The following PMEPA1 variants were observed in gnomAD, a reference collection of about 807,000 sequenced individuals.
PMEPA1 encodes the protein prostate transmembrane protein, androgen induced 1.
PMEPA1 carries 11 observed loss-of-function variants against 23.0 expected under a neutral mutation model. The observed-to-expected ratio is 0.48, with a 90% CI of 0.30 to 0.79. The LOEUF is 0.79. Ranked by LOEUF, PMEPA1 falls within the 30% of genes least tolerant of loss-of-function variation. The pLI, the probability that PMEPA1 is intolerant of heterozygous loss-of-function variation, is 0.06. For synonymous variants in PMEPA1, 204 were observed against 166.4 expected, an observed-to-expected ratio of 1.23 and a Z score of -1.74; for missense variants, 377 against 390.9, an observed-to-expected ratio of 0.96 and a Z score of 0.30.
chr20:57,686,146 G>A (rs1208975746), intron 1 of PMEPA1, among the ~76,000 whole-genome samples: 1 of 152,170 alleles, frequency 6.6e-6, no homozygotes, highest in African/African-American at 2.4e-5. Flanking sequence ...GCCGTGCGCT[G>A]ACCTCTCCTT....
rs2072049599 is a variant in PMEPA1 at position 57,704,400 on chromosome 20, C to G, written c.109+5074G>C. Among the ~76,000 whole-genome samples, 1 of 152,206 alleles carries G rather than the reference C, an allele frequency of 6.6e-6. No individual in the cohort carries two copies. The highest frequency in any genetic ancestry group is 6.5e-5 in the Admixed American group (1 of 15,290). ...GGGTGCATGAAGAGTAGGTCCGTCTCCCGCACAGCTCCCGCACGTGCCCCA... is the reference window on the plus strand; with the variant it reads ...GGGTGCATGAAGAGTAGGTCCGTCTGCCGCACAGCTCCCGCACGTGCCCCA... On this transcript the variant is annotated intron_variant, in intron 1 of 3. Coordinates refer to ENST00000341744, the MANE Select transcript of PMEPA1 (RefSeq NM_020182.5). This position sits in a 1 kb window ranked among gnomAD's most constrained non-coding sequence, Gnocchi z 4.6.
chr20:57,660,938 C>G (rs2071410153), intron 1 of PMEPA1, among the ~76,000 whole-genome samples: 2 of 152,146 alleles, frequency 1.3e-5, no homozygotes, highest in Admixed American at 1.3e-4. Flanking sequence ...ACACACTTCC[C>G]AACAGACACA....
chr20:57,703,705 C>T (rs114342093), intron 1 of PMEPA1, among the ~76,000 whole-genome samples: 104 of 152,334 alleles, frequency 6.8e-4, no homozygotes, highest in African/African-American at 2.5e-3. Context: ...CCAACCTTCC[C>T]AGCCAGTCCG....
chr20:57,690,888 C>G lies in PMEPA1; in HGVS notation c.109+18586G>C, dbSNP rs142077671. Among the ~76,000 whole-genome samples the G allele has an allele frequency of 3.3e-3, 499 of 152,310 alleles. 3 individuals are homozygous for G. The highest frequency in any genetic ancestry group is 0.011 in the African/African-American group (462 of 41,548). ...TTCCTGCACTCGCCCCATTTCAGCT[C>G]ACATCCGAGGAAAGAACTACTGCGC... On this transcript the variant is annotated intron_variant, in intron 1 of 3. Coordinates refer to ENST00000341744, the MANE Select transcript of PMEPA1 (RefSeq NM_020182.5).
At chr20:57,700,002 A>G (rs2071990002) in intron 1 of PMEPA1, 1 of 470,758 alleles carries the variant, frequency 2.1e-6, no homozygotes, top group South Asian at 1.5e-5. Context: ...GTGGCTCTAA[A>G]TATAAAAACA....
intron 1 of PMEPA1, among the ~76,000 whole-genome samples, chr20:57,680,096 A>C (rs1205469690): frequency 2.0e-5 from 3 of 152,214 alleles, no homozygotes; most frequent in Non-Finnish European, 4.4e-5. Context: ...TGCAAGCCCC[A>C]GGGAACCGTC....
At chr20:57,687,521 T>C (rs920987964) in intron 1 of PMEPA1, among the ~76,000 whole-genome samples, 16 of 152,180 alleles carry the variant, frequency 1.1e-4, no homozygotes, top group African/African-American at 3.6e-4. Flanking sequence ...GCCACACTCC[T>C]TCTCAAAGAG....
rs994676986 is a variant in PMEPA1, at chr20:57,709,690, G to A, written c.-108C>T. ...CCCGCATGCAGGAGGCGCGCGGCGGGGGAGGCGCGCCCCGGCTCGCCGGGC... is the reference window on the plus strand; with the variant it reads ...CCCGCATGCAGGAGGCGCGCGGCGGAGGAGGCGCGCCCCGGCTCGCCGGGC... On this transcript the variant is annotated 5_prime_UTR_variant, in exon 1 of 4. Transcript: ENST00000341744. The A allele has an allele frequency of 2.0e-6, 2 of 977,870 alleles. No individual in the cohort carries two copies. The highest frequency in any genetic ancestry group is 6.4e-5 in the Admixed American group (1 of 15,662). 60.6% of individuals were successfully genotyped at this position (977,870 alleles called of 1,614,324 possible).
intron 1 of PMEPA1, among the ~76,000 whole-genome samples, chr20:57,677,256 T>C (rs1198913945): frequency 6.6e-6 from 1 of 152,196 alleles, no homozygotes; most frequent in East Asian, 1.9e-4. Context: ...TCCTTGTCTG[T>C]ACCATGGAGT....
intron 1 of PMEPA1, among the ~76,000 whole-genome samples, chr20:57,709,040 C>A (rs1600681549): frequency 6.6e-6 from 1 of 152,238 alleles, no homozygotes; most frequent in South Asian, 2.1e-4. Flanking sequence ...CAGACACACG[C>A]CCGGAGCCCC....
chr20:57,674,615 C>T (rs2071611963), intron 1 of PMEPA1, among the ~76,000 whole-genome samples: 1 of 152,240 alleles, frequency 6.6e-6, no homozygotes, highest in African/African-American at 2.4e-5. Flanking sequence ...ATATTAGCAA[C>T]CTGCCCTCTG....
intron 1 of PMEPA1, among the ~76,000 whole-genome samples, chr20:57,686,705 C>A (rs562063624): frequency 6.6e-6 from 1 of 152,398 alleles, no homozygotes; most frequent in East Asian, 1.9e-4. Context: ...GGCCTCAAGG[C>A]CCTCACCTGT....
Position 57,692,264 on chromosome 20 carries a change from G to A in PMEPA1, c.109+17210C>T, listed in dbSNP as rs547646788. 7.9e-5 allele frequency among the ~76,000 whole-genome samples: 12 copies of A among 152,332 alleles called. No individual in the cohort carries two copies. The East Asian group carries it at 9.7e-4, about 12-fold the overall frequency. ...AGGCTCATAGAGGAGACGCAACCCC[G>A]AGGACACTCTTACGTGGTGACCACT... On this transcript the variant is annotated intron_variant, in intron 1 of 3. Transcript: ENST00000341744.
chr20:57,699,921 G>A, intron 1 of PMEPA1: 1 of 423,608 alleles, frequency 2.4e-6, no homozygotes, highest in Non-Finnish European at 4.8e-6. Context: ...GAACGCACAT[G>A]TTTCGACAGT....
intron 1 of PMEPA1, among the ~76,000 whole-genome samples, chr20:57,699,725 T>C (rs1313417063): frequency 6.6e-6 from 1 of 152,232 alleles, no homozygotes; most frequent in East Asian, 1.9e-4. Flanking sequence ...TTCAGCTTCC[T>C]ACTTCTCTTG....
chr20:57,667,588 G>T (rs746586235), intron 1 of PMEPA1, among the ~76,000 whole-genome samples: 3 of 152,176 alleles, frequency 2.0e-5, no homozygotes, highest in Non-Finnish European at 2.9e-5. Context: ...CAGGGGAGGG[G>T]CAGCTGGCGT....
In PMEPA1 at chr20:57,683,605, C is replaced by A. The variant is rs1029608593; in HGVS notation, c.110-23908G>T. Among the ~76,000 whole-genome samples the A allele has an allele frequency of 4.3e-5, 6 of 138,052 alleles. No homozygotes were observed. The highest frequency in any genetic ancestry group is 1.4e-4 in the African/African-American group (5 of 34,930). 90.6% of individuals were successfully genotyped at this position (138,052 alleles called of 152,430 possible). A position where few individuals can be genotyped will look rare whatever the true frequency, so the allele number is the denominator to read the frequency against. On this transcript the variant is annotated intron_variant, in intron 1 of 3. Coordinates refer to ENST00000341744, the MANE Select transcript of PMEPA1 (RefSeq NM_020182.5). The surrounding 1 kb of genome is among the most constrained non-coding windows in gnomAD (Gnocchi z 4.3). The stretch of plus-strand genomic sequence containing the variant: ...TGTGTTTCTTTTAAAAGTCTCTTCC[C>A]CTGAAAATACTTCATGTTGATATTT...
intron 1 of PMEPA1, among the ~76,000 whole-genome samples, chr20:57,661,391 A>G (rs1363347220): frequency 6.6e-6 from 1 of 152,156 alleles, no homozygotes; most frequent in Non-Finnish European, 1.5e-5. Context: ...TCCGGGGCCA[A>G]AGCTCCTCCA....
intron 1 of PMEPA1, among the ~76,000 whole-genome samples, chr20:57,702,476 T>C (rs1296523049): frequency 1.3e-5 from 2 of 152,160 alleles, no homozygotes; most frequent in Non-Finnish European, 2.9e-5. Flanking sequence ...ATGGACCCAA[T>C]TGCTCTGAGA....
Sources: gnomAD v4.1 joint callset for allele counts (sites outside exome capture counted in the v4.1 genomes callset) on GRCh38, gnomAD v4.1.1 for gene constraint, Gnocchi (gnomAD v3.1) non-coding constraint, MANE v1.5 for transcripts, NCBI Gene and HGNC (gene_info 2026-07-23, HGNC 2026-07-21) for gene names.